SEPTIN7: variants seen among roughly 807,000 people sequenced by gnomAD.
The protein encoded by SEPTIN7 is septin-7.
A neutral mutation model predicts 63.3 loss-of-function variants in SEPTIN7; 10 were observed. The ratio of observed to expected loss-of-function variants is 0.16; its 90% CI spans 0.10 to 0.27. The LOEUF (loss-of-function observed/expected upper bound fraction) is 0.27. Ranked by LOEUF, SEPTIN7 falls within the 10% of genes least tolerant of loss-of-function variation. The pLI is 1.00. For synonymous variants in SEPTIN7, 131 were observed against 165.3 expected, an observed-to-expected ratio of 0.79 and a Z score of 1.59; for missense variants, 310 against 521.0, an observed-to-expected ratio of 0.59 and a Z score of 3.94.
chr7:35,854,120 C>CTGATGAGCAATGCAAATATTCTAAAATT (rs1196360912), intron 3 of SEPTIN7, among the ~76,000 whole-genome samples: 36 of 152,112 alleles, frequency 2.4e-4, no homozygotes, highest in African/African-American at 8.0e-4. Context: ...GGATGCTGAA[C>CTGATGAGCAATGCAAATATTCTAAAATT]TGATGAGCAA....
chr7:35,832,252 T>TA (rs1783868707), intron 2 of SEPTIN7: 5 of 342,812 alleles, frequency 1.5e-5, no homozygotes, highest in South Asian at 6.9e-5. Flanking sequence ...GCTTGAATGA[T>TA]ACTGTAGCTG....
rs772228270 is a variant in SEPTIN7 at position 35,873,622 on chromosome 7, G to A, written c.378-19G>A. On this transcript the variant is annotated intron_variant, in intron 5 of 13. Transcript: ENST00000350320. ...CATATGTAGAATTGCAGCTTGTTTT[G>A]TTTATTTGCGTTCTATAGCTGGCAG... 1 of 1,599,136 alleles carries A rather than the reference G, an allele frequency of 6.3e-7. No individual in the cohort carries two copies. Among genetic ancestry groups the A allele is most frequent in the South Asian group, 1.1e-5 (1 of 89,058 alleles).
intron 6 of SEPTIN7, among the ~76,000 whole-genome samples, chr7:35,879,102 A>G (rs1428410639): frequency 1.3e-5 from 2 of 152,214 alleles, no homozygotes; most frequent in African/African-American, 4.8e-5. Context: ...AAGCACCATG[A>G]TAGAAGTATT....
intron 1 of SEPTIN7, among the ~76,000 whole-genome samples, chr7:35,813,932 T>A (rs2115731210): frequency 6.6e-6 from 1 of 152,326 alleles, no homozygotes; most frequent in African/African-American, 2.4e-5. Flanking sequence ...TATATTACTG[T>A]AACATTGATG....
intron 3 of SEPTIN7, among the ~76,000 whole-genome samples, chr7:35,860,381 A>C (rs1414197271): frequency 6.6e-6 from 1 of 152,190 alleles, no homozygotes; most frequent in African/African-American, 2.4e-5. Context: ...GTGAACTTGC[A>C]AACCAAAATT....
At chr7:35,912,335 G>T in the SEPTIN7 span, among the ~76,000 whole-genome samples, 1 of 152,228 alleles carries the variant, frequency 6.6e-6, no homozygotes, top group Admixed American at 6.5e-5. Flanking sequence ...AGCGATCTGT[G>T]CCTAAAGGGC....
At chr7:35,854,623 G>T (rs756325529) in intron 3 of SEPTIN7, among the ~76,000 whole-genome samples, 1 of 152,170 alleles carries the variant, frequency 6.6e-6, no homozygotes, top group Non-Finnish European at 1.5e-5. Context: ...CCTGATGCCT[G>T]CCTCTCATTT....
intron 3 of SEPTIN7, among the ~76,000 whole-genome samples, chr7:35,834,940 TTGATATCAAC>T (rs1562534119): frequency 6.6e-6 from 1 of 152,180 alleles, no homozygotes; most frequent in African/African-American, 2.4e-5. Flanking sequence ...AACTTACACA[TTGATATCAAC>T]TGAGAATCTG....
intron 1 of SEPTIN7, among the ~76,000 whole-genome samples, chr7:35,812,958 C>T (rs1788822902): frequency 6.6e-6 from 1 of 152,062 alleles, no homozygotes; most frequent in African/African-American, 2.4e-5. Context: ...TCAAAAGCTC[C>T]CCATATTCTT....
intron 3 of SEPTIN7, among the ~76,000 whole-genome samples, chr7:35,853,556 A>G (rs1474894570): frequency 1.3e-5 from 2 of 152,178 alleles, no homozygotes; most frequent in African/African-American, 2.4e-5. Flanking sequence ...TAGCTCTGCT[A>G]CTTGGTAGAG....
intron 1 of SEPTIN7, among the ~76,000 whole-genome samples, chr7:35,829,409 C>G (rs1421091838): frequency 6.6e-6 from 1 of 152,032 alleles, no homozygotes; most frequent in African/African-American, 2.4e-5. Context: ...TCTTTTTACT[C>G]TTGGAAATAC....
intron 3 of SEPTIN7, among the ~76,000 whole-genome samples, chr7:35,840,365 C>T (rs565904776): frequency 6.7e-6 from 1 of 149,896 alleles, no homozygotes. Context: ...CTCAAGTGAT[C>T]GTCCCACCTC....
chr7:35,802,813 G>A (rs988170081), intron 1 of SEPTIN7, among the ~76,000 whole-genome samples: 1 of 152,104 alleles, frequency 6.6e-6, no homozygotes, highest in African/African-American at 2.4e-5. Flanking sequence ...GGTGGTGATG[G>A]GGGGGTGGTA....
chr7:35,820,389 C>G (rs1789341580), intron 1 of SEPTIN7, among the ~76,000 whole-genome samples: 1 of 152,006 alleles, frequency 6.6e-6, no homozygotes, highest in East Asian at 1.9e-4. Flanking sequence ...TCCCTTACTT[C>G]ATGTTTGATT....
At chr7:35,862,500 T>C (rs1457289773) in intron 3 of SEPTIN7, among the ~76,000 whole-genome samples, 1 of 152,152 alleles carries the variant, frequency 6.6e-6, no homozygotes, top group Non-Finnish European at 1.5e-5. Context: ...GCTTTCAAGG[T>C]ATAAGAGTTA....
intron 3 of SEPTIN7, among the ~76,000 whole-genome samples, chr7:35,851,376 CATT>C (rs1332293755): frequency 1.3e-5 from 2 of 152,046 alleles, no homozygotes; most frequent in South Asian, 2.1e-4. Context: ...ATGATAATGA[CATT>C]GTTGCAAAAC....
chr7:35,858,681 CTTT>C (rs376678701), intron 3 of SEPTIN7, among the ~76,000 whole-genome samples: 6 of 127,284 alleles, frequency 4.7e-5, no homozygotes, highest in Admixed American at 8.1e-5. Flanking sequence ...TTTTCTTTTT[CTTT>C]TTTTTTTTTT....
intron 1 of SEPTIN7, among the ~76,000 whole-genome samples, chr7:35,810,449 G>T (rs539676053): frequency 1.3e-5 from 2 of 151,248 alleles, no homozygotes; most frequent in African/African-American, 2.4e-5. Flanking sequence ...TCAGCCTCCC[G>T]AGTAGCTGGG....
intron 6 of SEPTIN7, among the ~76,000 whole-genome samples, chr7:35,875,513 T>G (rs1280003487): frequency 6.6e-6 from 1 of 152,184 alleles, no homozygotes; most frequent in Non-Finnish European, 1.5e-5. Flanking sequence ...TTTTAGATAA[T>G]TATAAATTGG....
Sources: allele counts gnomAD v4.1 joint callset (sites outside exome capture counted in the v4.1 genomes callset), GRCh38; gene constraint gnomAD v4.1.1; transcripts MANE v1.5; gene names NCBI Gene and HGNC (gene_info 2026-07-23, HGNC 2026-07-21).